The following PKN2 variants were observed in gnomAD, a reference collection of about 807,000 sequenced individuals.
PKN2 encodes serine/threonine-protein kinase N2.
In PKN2, 38 loss-of-function variants were observed where a neutral mutation model predicts 119.1. That is an observed-to-expected ratio of 0.32 (90% CI 0.25 to 0.42). The LOEUF (loss-of-function observed/expected upper bound fraction) is 0.42. PKN2 is among the 10% of genes least tolerant of loss of function. The probability of loss-of-function intolerance (pLI) is 1.00; values close to 1 mark genes in which losing one functional copy is unlikely to be tolerated. For synonymous variants in PKN2, 390 were observed against 384.9 expected (o/e 1.01, Z -0.15); for missense variants, 850 against 1,165.1 (o/e 0.73, Z 3.94).
Position 88,827,495 on chromosome 1 carries a change from G to A in PKN2, c.2420-986G>A, listed in dbSNP as rs1672543992. On this transcript the variant is annotated intron_variant, in intron 18 of 21. Coordinates refer to ENST00000370521, the MANE Select transcript of PKN2 (RefSeq NM_006256.4). ...ATTTTGTGCATGAAACTAATCTTAAGTACTTGCGGAATTCTCTATGGCATC... is the reference window on the plus strand; with the variant it reads ...ATTTTGTGCATGAAACTAATCTTAAATACTTGCGGAATTCTCTATGGCATC... Among the ~76,000 whole-genome samples, 3 of 151,618 alleles carry A rather than the reference G, an allele frequency of 2.0e-5. 1 individual carries two copies. The South Asian group carries it at 6.2e-4, about 32-fold the overall frequency.
Position 88,760,126 on chromosome 1 carries a change from A to G in PKN2, c.350-96A>G, listed in dbSNP as rs543832033. On this transcript the variant is annotated intron_variant, in intron 2 of 21. Coordinates refer to ENST00000370521, the MANE Select transcript of PKN2 (RefSeq NM_006256.4). ...GGAGATTTCATTTAGGCTCATCTCA[A>G]AGTTTGAAAAATGCTGTTTATTTGA... The G allele has an allele frequency of 9.5e-5, 67 of 703,688 alleles. No homozygotes were observed. In the African/African-American group the frequency reaches 1.1e-3, roughly 11 times the overall value. The allele number at this position is 703,688 out of a possible 1,614,324, so 43.6% of individuals were successfully genotyped here.
intron 1 of PKN2, among the ~76,000 whole-genome samples, chr1:88,697,994 T>G (rs1469421444): frequency 6.6e-6 from 1 of 152,218 alleles, no homozygotes; most frequent in Non-Finnish European, 1.5e-5. Flanking sequence ...CTTAAAATCT[T>G]TGAAGGAAAG....
chr1:88,712,359 TATCAA>T (rs1188789213), intron 1 of PKN2, among the ~76,000 whole-genome samples: 2 of 152,158 alleles, frequency 1.3e-5, no homozygotes, highest in African/African-American at 2.4e-5. Flanking sequence ...ATAGATGATG[TATCAA>T]AATACCTATA....
At chr1:88,833,055 T>A in intron 20 of PKN2, 22 bp from the exon 21 acceptor site, 1 of 1,574,960 alleles carries the variant, frequency 6.3e-7, no homozygotes, top group Non-Finnish European at 8.6e-7. Context: ...TATTTTAACT[T>A]TTTTATTTTA....
chr1:88,688,498 A>AT (rs35499170), intron 1 of PKN2, among the ~76,000 whole-genome samples: 1 of 152,350 alleles, frequency 6.6e-6, no homozygotes, highest in African/African-American at 2.4e-5. Context: ...ATTAACCAAC[A>AT]TTAACTTTAC....
At chr1:88,776,743 A>G (rs1251382859) in intron 6 of PKN2, among the ~76,000 whole-genome samples, 4 of 118,710 alleles carry the variant, frequency 3.4e-5, no homozygotes, top group Non-Finnish European at 6.8e-5. Context: ...CTGTCTTAAG[A>G]AAAAAAAAAA....
At chr1:88,829,282 C>T in intron 19 of PKN2, 1 of 648,352 alleles carries the variant, frequency 1.5e-6, no homozygotes, top group South Asian at 1.6e-5. Context: ...CCAATGAGGT[C>T]AATTTGAGAG....
intron 19 of PKN2, chr1:88,829,113 G>A: frequency 1.4e-6 from 1 of 727,508 alleles, no homozygotes; most frequent in Non-Finnish European, 2.6e-6. Flanking sequence ...TGGATGGAGA[G>A]AGGAGAAAAC....
At chr1:88,762,723 G>A (rs566150556) in intron 3 of PKN2, among the ~76,000 whole-genome samples, 1 of 152,140 alleles carries the variant, frequency 6.6e-6, no homozygotes, top group Non-Finnish European at 1.5e-5. Context: ...TTGTTTGACT[G>A]ACTTTGGAAG....
intron 8 of PKN2, among the ~76,000 whole-genome samples, chr1:88,789,156 C>T (rs1034292868): frequency 6.6e-6 from 1 of 151,980 alleles, no homozygotes; most frequent in Admixed American, 6.6e-5. Context: ...GCAGTTAGGA[C>T]AAGTAAAAAG....
rs1672933500 is a variant in PKN2, at chr1:88,836,093, T to G, written c.*2645T>G. ...GTATAGATACTGAGAATAGGAAGTT[T>G]TTTTTTTTAAAGCAACAAAATGTTG... On this transcript the variant is annotated 3_prime_UTR_variant, in exon 22 of 22. Coordinates refer to ENST00000370521, the MANE Select transcript of PKN2 (RefSeq NM_006256.4). The G allele has an allele frequency of 6.6e-6, 1 of 152,124 alleles. No homozygotes were observed. The highest frequency in any genetic ancestry group is 2.4e-5 in the African/African-American group (1 of 41,444). The allele number at this position is 152,124 out of a possible 1,614,324, so 9.4% of individuals were successfully genotyped here.
chr1:88,723,026 C>A (rs946263266), intron 1 of PKN2, among the ~76,000 whole-genome samples: 4 of 152,108 alleles, frequency 2.6e-5, no homozygotes, highest in Non-Finnish European at 4.4e-5. Flanking sequence ...CGCTTTCCAC[C>A]TCGACCTGAA....
chr1:88,822,115 C>T, intron 17 of PKN2, 112 bp downstream of exon 17: 2 of 973,864 alleles, frequency 2.1e-6, no homozygotes, highest in Non-Finnish European at 2.8e-6. Flanking sequence ...TTAGTTTTCT[C>T]CTTCACCTGT....
chr1:88,693,197 G>A (rs148898061), intron 1 of PKN2, among the ~76,000 whole-genome samples: 7 of 152,154 alleles, frequency 4.6e-5, no homozygotes, highest in Middle Eastern at 3.4e-3. Context: ...TTTGTTTAAA[G>A]GGCAGTATAT....
At chr1:88,763,881 A>C (rs1669550530) in intron 3 of PKN2, among the ~76,000 whole-genome samples, 1 of 152,114 alleles carries the variant, frequency 6.6e-6, no homozygotes, top group East Asian at 1.9e-4. Flanking sequence ...AATGATAGAG[A>C]ATTCATGAGG....
intron 1 of PKN2, among the ~76,000 whole-genome samples, chr1:88,690,857 G>A (rs935046054): frequency 6.6e-6 from 1 of 152,140 alleles, no homozygotes; most frequent in African/African-American, 2.4e-5. Context: ...ATAAAGATGA[G>A]TGGATATACA....
chr1:88,776,243 C>CCCCCA (rs1220197841), intron 6 of PKN2, among the ~76,000 whole-genome samples: 2 of 124,964 alleles, frequency 1.6e-5, no homozygotes, highest in Non-Finnish European at 3.3e-5. Flanking sequence ...CCTGACACTG[C>CCCCCA]CCCCACCCCG....
At chr1:88,800,913 G>A (rs1671279494) in intron 8 of PKN2, among the ~76,000 whole-genome samples, 1 of 152,138 alleles carries the variant, frequency 6.6e-6, no homozygotes, top group Non-Finnish European at 1.5e-5. Flanking sequence ...CACAAGTTGG[G>A]ACAGTACCTA....
chr1:88,721,216 G>T (rs1667665820), intron 1 of PKN2, among the ~76,000 whole-genome samples: 1 of 152,162 alleles, frequency 6.6e-6, no homozygotes. Context: ...TTCCGTAGTG[G>T]TTGTACTAGT....
Sources: allele counts gnomAD v4.1 joint callset (sites outside exome capture counted in the v4.1 genomes callset), GRCh38; gene constraint gnomAD v4.1.1; transcripts MANE v1.5; gene names NCBI Gene and HGNC (gene_info 2026-07-23, HGNC 2026-07-21).